ZBTB7A: variants seen among roughly 807,000 people sequenced by gnomAD.
ZBTB7A encodes zinc finger and BTB domain-containing protein 7A.
A neutral mutation model predicts 26.7 loss-of-function variants in ZBTB7A; 7 were observed. That is an observed-to-expected ratio of 0.26 (90% CI 0.15 to 0.49). ZBTB7A has a LOEUF of 0.49. Among genes scored for constraint, ZBTB7A ranks in the 20% least tolerant of loss-of-function variants. ZBTB7A has a pLI of 0.98. For synonymous variants in ZBTB7A, 452 were observed against 441.0 expected (o/e 1.02, Z -0.31); for missense variants, 617 against 919.5 (o/e 0.67, Z 4.25).
At chr19:4,055,376 G>A (rs749763962) in intron 1 of ZBTB7A, 129 bp from the exon 2 acceptor site, 73 of 1,394,032 alleles carry the variant, frequency 5.2e-5, no homozygotes, top group Non-Finnish European at 6.4e-5. Context: ...ATTCCCACCT[G>A]CACGTGAAGG....
chr19:4,054,721 C>G lies in ZBTB7A; in HGVS notation c.512G>C (p.Ser171Thr). 2 of 1,572,548 alleles carry G rather than the reference C, an allele frequency of 1.3e-6. No homozygotes were observed. Among genetic ancestry groups the G allele is most frequent in the Non-Finnish European group, 1.7e-6 (2 of 1,158,980 alleles). ...GGCGGCGGCGGCCGCGGGGGGCAGG[C>G]TGTTCATGGGGTTGCTCTGGAAGAA... The part of the protein sequence containing the change: ...LEFFQSNPMN[S>T]LPPAAAAAAA... The change falls in exon 2 of 3, where the codon AGC (serine) becomes ACC (threonine). Residue 171 changes from serine (S) to threonine (T), a missense_variant. Physicochemically the swap from Ser to Thr is moderately conservative, Grantham distance 58. Around this residue, in one of 5 missense-constraint regions of ZBTB7A, gnomAD observed 331 missense variants for 391.3 expected, o/e 0.85. Transcript: ENST00000322357.
chr19:4,055,426 C>G, intron 1 of ZBTB7A, 179 bp from the exon 2 acceptor site: 3 of 985,452 alleles, frequency 3.0e-6, no homozygotes, highest in Non-Finnish European at 3.6e-6. Flanking sequence ...GCTTCCCCAG[C>G]TGTGCACCAA....
At position 4,045,938 on chromosome 19, in the gene ZBTB7A, G is replaced by C. The variant is rs1599244186; in HGVS notation, c.*1814C>G. On this transcript the variant is annotated 3_prime_UTR_variant, in exon 3 of 3. Coordinates refer to ENST00000322357, the MANE Select transcript of ZBTB7A (RefSeq NM_015898.4). This position sits in a 1 kb window ranked among gnomAD's most constrained non-coding sequence, Gnocchi z 4.1. ...GGGCGGTGGTTCTAAGGCCCTGGAG[G>C]TGGGGGGCCCCTGTCACCCACCTCA... 2 of 398,638 alleles carry C rather than the reference G, an allele frequency of 5.0e-6. No homozygotes were observed. Among genetic ancestry groups the C allele is most frequent in the Middle Eastern group, 1.3e-3 (2 of 1,588 alleles). The allele number at this position is 398,638 out of a possible 1,614,324, so 24.7% of individuals were successfully genotyped here. A position where few individuals can be genotyped will look rare whatever the true frequency, so the allele number is the denominator to read the frequency against.
rs2040379800 is a variant in ZBTB7A, at chr19:4,043,916, ATATC to A, written c.*3832_*3835del. 6.7e-6 allele frequency among the ~76,000 whole-genome samples: 1 copy of A among 149,176 alleles called. No individual in the cohort carries two copies. The highest frequency in any genetic ancestry group is 1.5e-5 in the Non-Finnish European group (1 of 67,036). ...TTTTAAAATAAAACTGCAAATATAA[ATATC>A]TTTCTTTCTCAAAAAATAGGATTTT... On this transcript the variant is annotated 3_prime_UTR_variant, in exon 3 of 3. Transcript: ENST00000322357.
At position 4,054,589 on chromosome 19, in the gene ZBTB7A, T is replaced by C. The variant is rs2040551237; in HGVS notation, c.644A>G (p.Asn215Ser). 6.4e-7 allele frequency: 1 copy of C among 1,565,290 alleles called. No homozygotes were observed. Among genetic ancestry groups the C allele is most frequent in the Non-Finnish European group, 8.6e-7 (1 of 1,163,242 alleles). Residue 215 changes from asparagine to serine, a missense_variant, in exon 2 of 3, where the codon AAC becomes AGC. Around this residue, in one of 5 missense-constraint regions of ZBTB7A, gnomAD observed 331 missense variants for 391.3 expected, o/e 0.85. Coordinates refer to ENST00000322357, the MANE Select transcript of ZBTB7A (RefSeq NM_015898.4). The part of the protein sequence containing the change: ...AVAAVAAGDC[N>S]GLDFYGPGPP... ...GCCCGGCCCATAGAAGTCTAAGCCG[T>C]TGCAGTCGCCCGCGGCCACGGCGGC...
At chr19:4,053,633 GTGTC>G (rs1184777552) in intron 2 of ZBTB7A, among the ~76,000 whole-genome samples, 1 of 151,144 alleles carries the variant, frequency 6.6e-6, no homozygotes, top group Non-Finnish European at 1.5e-5. Flanking sequence ...GTGTGCATCT[GTGTC>G]TGCATGTGTC....
In ZBTB7A at chr19:4,046,111, G is replaced by T; in HGVS notation, c.*1641C>A. 1 of 399,030 alleles carries T rather than the reference G, an allele frequency of 2.5e-6. No individual in the cohort carries two copies. The allele number at this position is 399,030 out of a possible 1,614,324, so 24.7% of individuals were successfully genotyped here. On this transcript the variant is annotated 3_prime_UTR_variant, in exon 3 of 3. Coordinates refer to ENST00000322357, the MANE Select transcript of ZBTB7A (RefSeq NM_015898.4). Reference sequence around the variant, plus strand: ...CTAGGGAGGAGGAAGGAGAGACCCCGTGGACAGAAGCGGGCGCTAAGACCT... The same window carrying T: ...CTAGGGAGGAGGAAGGAGAGACCCCTTGGACAGAAGCGGGCGCTAAGACCT...
rs1348683282 is a variant in ZBTB7A at position 4,044,033 on chromosome 19, G to A, written c.*3719C>T. Among the ~76,000 whole-genome samples the A allele has an allele frequency of 6.6e-6, 1 of 151,472 alleles. No individual in the cohort carries two copies. The highest frequency in any genetic ancestry group is 1.5e-5 in the Non-Finnish European group (1 of 67,848). ...TTGCCTCCAACCATTCTGGTTGCCG[G>A]GCGGGAGGGGGCACCCCGAGGCCCC... On this transcript the variant is annotated 3_prime_UTR_variant, in exon 3 of 3. Transcript: ENST00000322357.
rs759173650 is a variant in ZBTB7A, at chr19:4,054,882, G to A, written c.351C>T (p.Pro117=). The part of the protein sequence containing the change: ...ILSAARLLEI[P]AVSHVCADLL... ...GGTCGGCGCACACGTGGCTCACGGC[G>A]GGGATCTCCAGCAGGCGGGCGGCGC... The change falls in exon 2 of 3, where the codon CCC becomes CCT. Residue 117 remains proline (P), a synonymous_variant. Transcript: ENST00000322357. 1.5e-5 allele frequency: 24 copies of A among 1,608,056 alleles called. No homozygotes were observed. The highest frequency in any genetic ancestry group is 2.0e-5 in the Non-Finnish European group (24 of 1,177,404).
chr19:4,053,852 T>C (rs1836141853), intron 2 of ZBTB7A, 119 bp downstream of exon 2: 3 of 1,180,032 alleles, frequency 2.5e-6, no homozygotes, highest in Non-Finnish European at 3.5e-6. Flanking sequence ...CACGTGCGTG[T>C]ATGTGTGCGT....
chr19:4,066,688 G>A lies in ZBTB7A; in HGVS notation c.-22C>T, dbSNP rs1212124014. ...GCGCCGGGCGCTGACTTACCTCGCG[G>A]GGCCGGGCCGGGGCGCGCGGGGCCG... On this transcript the variant is annotated 5_prime_UTR_variant, in exon 1 of 3. Coordinates refer to ENST00000322357, the MANE Select transcript of ZBTB7A (RefSeq NM_015898.4). The A allele has an allele frequency of 6.6e-6, 1 of 151,056 alleles. No individual in the cohort carries two copies. Among genetic ancestry groups the A allele is most frequent in the Non-Finnish European group, 1.5e-5 (1 of 67,562 alleles). The allele number at this position is 151,056 out of a possible 1,614,324, so 9.4% of individuals were successfully genotyped here. A position where few individuals can be genotyped will look rare whatever the true frequency, so the allele number is the denominator to read the frequency against.
chr19:4,047,672 T>C lies in ZBTB7A; in HGVS notation c.*80A>G, dbSNP rs1248023649. The stretch of plus-strand genomic sequence containing the variant: ...ATAGATAGATTTTCTTTTTTTGTGT[T>C]TTTGGGGGGGTGGTGGGTGATTTTT... On this transcript the variant is annotated 3_prime_UTR_variant, in exon 3 of 3. Coordinates refer to ENST00000322357, the MANE Select transcript of ZBTB7A (RefSeq NM_015898.4). The C allele has an allele frequency of 6.8e-7, 1 of 1,480,548 alleles. No homozygotes were observed. Among genetic ancestry groups the C allele is most frequent in the African/African-American group, 1.5e-5 (1 of 68,850 alleles). 91.7% of individuals were successfully genotyped at this position (1,480,548 alleles called of 1,614,324 possible).
Position 4,046,923 on chromosome 19 carries a change from C to T in ZBTB7A, c.*829G>A, listed in dbSNP as rs1395393348. ...TCCAAACGTGGGGGTCTAGGTGGAC[C>T]GGGCGGGGGTGGGGGGGCGCCCTGA... On this transcript the variant is annotated 3_prime_UTR_variant, in exon 3 of 3. Coordinates refer to ENST00000322357, the MANE Select transcript of ZBTB7A (RefSeq NM_015898.4). The T allele has an allele frequency of 4.2e-5, 1 of 23,700 alleles. No homozygotes were observed. The highest frequency in any genetic ancestry group is 9.6e-5 in the Non-Finnish European group (1 of 10,420). The allele number at this position is 23,700 out of a possible 1,614,324, so 1.5% of individuals were successfully genotyped here. A position where few individuals can be genotyped will look rare whatever the true frequency, so the allele number is the denominator to read the frequency against.
intron 1 of ZBTB7A, among the ~76,000 whole-genome samples, chr19:4,065,968 C>G (rs971256163): frequency 6.9e-6 from 1 of 145,760 alleles, no homozygotes; most frequent in African/African-American, 2.5e-5. Context: ...CATTGGCTCT[C>G]CGGCCCGCCG....
rs996914824 is a variant in ZBTB7A at position 4,047,054 on chromosome 19, T to C, written c.*698A>G. The C allele has an allele frequency of 1.3e-5, 2 of 151,152 alleles. No homozygotes were observed. Among genetic ancestry groups the C allele is most frequent in the African/African-American group, 4.9e-5 (2 of 41,050 alleles). The allele number at this position is 151,152 out of a possible 1,614,324, so 9.4% of individuals were successfully genotyped here. On this transcript the variant is annotated 3_prime_UTR_variant, in exon 3 of 3. Transcript: ENST00000322357. ...CCCCACCGGGAACCCCAGTCCGATCTCCTTTCTCCAGGCCTAGAAATAAAT... is the reference window on the plus strand; with the variant it reads ...CCCCACCGGGAACCCCAGTCCGATCCCCTTTCTCCAGGCCTAGAAATAAAT...
intron 2 of ZBTB7A, among the ~76,000 whole-genome samples, chr19:4,050,859 G>A (rs1379856525): frequency 6.6e-6 from 1 of 152,036 alleles, no homozygotes; most frequent in African/African-American, 2.4e-5. Context: ...AGCGCTTTGG[G>A]AGGCTAAGGC....
intron 1 of ZBTB7A, chr19:4,055,508 T>A: frequency 1.0e-6 from 1 of 984,438 alleles, no homozygotes; most frequent in Non-Finnish European, 1.2e-6. Context: ...GCTATCACCA[T>A]GTTGGCCAGG....
chr19:4,053,521 G>A lies in ZBTB7A; in HGVS notation c.1262+450C>T, dbSNP rs1243633914. On this transcript the variant is annotated intron_variant, in intron 2 of 2. Transcript: ENST00000322357. ...TGCCTGGGTGTGCGTGTGTGCGTGC[G>A]TGCGTGCGTGCATGTGTATGTGATG... is the stretch of plus-strand genomic sequence containing the variant. Among the ~76,000 whole-genome samples the A allele has an allele frequency of 3.3e-5, 5 of 150,612 alleles. No homozygotes were observed. In the South Asian group the frequency reaches 6.3e-4, roughly 19 times the overall value.
In ZBTB7A at chr19:4,047,827, G is replaced by C; in HGVS notation, c.1680C>G (p.Gly560=). 2 of 1,604,920 alleles carry C rather than the reference G, an allele frequency of 1.2e-6. No individual in the cohort carries two copies. Among genetic ancestry groups the C allele is most frequent in the Non-Finnish European group, 1.7e-6 (2 of 1,176,456 alleles). The change falls in exon 3 of 3, where the codon GGC becomes GGG. Residue 560 remains glycine (G), a synonymous_variant. Transcript: ENST00000322357. ...CTCCGCTGTCACCTCCTCCACCGGC[G>C]CCCGCTACATTCAACCGGCCCAAGC... ...PDGLGRLNVA[G]AGGGGDSGGG...
Sources: gnomAD v4.1 joint callset for allele counts (sites outside exome capture counted in the v4.1 genomes callset) on GRCh38, gnomAD v4.1.1 for gene constraint, gnomAD v4.1.1 regional missense constraint, Gnocchi (gnomAD v3.1) non-coding constraint, MANE v1.5 for transcripts, NCBI Gene and HGNC (gene_info 2026-07-23, HGNC 2026-07-21) for gene names.